Variants in TENM1 observed in about 807,000 individuals in gnomAD.
The protein encoded by TENM1 is teneurin transmembrane protein 1.
A neutral mutation model predicts 174.8 loss-of-function variants in TENM1; 35 were observed. That is an observed-to-expected ratio of 0.20 (90% CI 0.15 to 0.27). TENM1 has a LOEUF of 0.27. TENM1 is among the 10% of genes least tolerant of loss of function. The pLI, the probability that TENM1 is intolerant of heterozygous loss-of-function variation, is 1.00. For missense variants in TENM1, 1,633 were observed against 2,130.1 expected (o/e 0.77, Z 4.59); for synonymous variants, 781 against 798.7 (o/e 0.98, Z 0.37).
the TENM1 span, among the ~76,000 whole-genome samples, chrX:125,137,640 G>A: frequency 1.8e-5 from 2 of 111,072 alleles, no homozygotes; most frequent in African/African-American, 6.5e-5. Flanking sequence ...AAAACCAAAA[G>A]ATCTTTCCCT....
intron 3 of TENM1, among the ~76,000 whole-genome samples, chrX:124,762,934 C>T (rs1413331933): frequency 9.0e-6 from 1 of 110,975 alleles, no homozygotes; most frequent in Non-Finnish European, 1.9e-5. Flanking sequence ...GTAGTCTTTA[C>T]TTGTGTAGTC....
intron 15 of TENM1, 149 bp downstream of exon 18, chrX:124,546,725 G>T (rs1275936977): frequency 1.5e-5 from 7 of 478,117 alleles, no homozygotes; most frequent in Non-Finnish European, 2.5e-5. Flanking sequence ...ATCAGTAAGG[G>T]TTTTGGCTTT....
At chrX:125,167,140 C>T in the TENM1 span, among the ~76,000 whole-genome samples, 3 of 111,968 alleles carry the variant, frequency 2.7e-5, no homozygotes, top group African/African-American at 9.7e-5. Context: ...AGTGTCCTGA[C>T]ATTTATTATC....
chrX:124,584,231 T>C (rs1230840695), intron 11 of TENM1, among the ~76,000 whole-genome samples: 320 of 108,366 alleles, frequency 3.0e-3, no homozygotes, highest in African/African-American at 0.01. Context: ...GACACATAAT[T>C]GTCAGATTCA....
At chrX:124,985,468 A>G in the TENM1 span, among the ~76,000 whole-genome samples, 3 of 112,217 alleles carry the variant, frequency 2.7e-5, no homozygotes, top group African/African-American at 9.7e-5. Context: ...CATGGGTAAT[A>G]TCCACTATGT....
intron 11 of TENM1, among the ~76,000 whole-genome samples, chrX:124,606,560 T>C (rs2050162229): frequency 1.8e-5 from 2 of 111,615 alleles, no homozygotes; most frequent in South Asian, 7.4e-4. Flanking sequence ...ACAAGATGGT[T>C]AGATACATTA....
chrX:124,794,665 C>A (rs779130025), intron 3 of TENM1, among the ~76,000 whole-genome samples: 1 of 111,029 alleles, frequency 9.0e-6, no homozygotes, highest in African/African-American at 3.3e-5. Flanking sequence ...TTTAAAAAAA[C>A]AAAACTGAAC....
At chrX:125,171,039 T>A in the TENM1 span, among the ~76,000 whole-genome samples, 1 of 111,204 alleles carries the variant, frequency 9.0e-6, no homozygotes, top group African/African-American at 3.3e-5. Context: ...CCTCTATTAC[T>A]GTTCTTATTA....
At chrX:124,636,550 A>G (rs1176306971) in intron 11 of TENM1, among the ~76,000 whole-genome samples, 1 of 111,904 alleles carries the variant, frequency 8.9e-6, no homozygotes, top group East Asian at 2.8e-4. Flanking sequence ...TCATTTATGT[A>G]CTTGGTATTT....
At chrX:124,823,289 TATAAC>T (rs1844469930) in intron 3 of TENM1, among the ~76,000 whole-genome samples, 1 of 112,130 alleles carries the variant, frequency 8.9e-6, no homozygotes, top group Non-Finnish European at 1.9e-5. Flanking sequence ...ACGGATGTGT[TATAAC>T]AGAGTCTGGC....
the TENM1 span, among the ~76,000 whole-genome samples, chrX:125,064,961 G>A: frequency 3.6e-5 from 4 of 111,988 alleles, no homozygotes; most frequent in Middle Eastern, 9.2e-3. Context: ...TTTTCCACTC[G>A]ATGGGTACCA....
At chrX:124,880,651 G>T in intron 3 of TENM1, among the ~76,000 whole-genome samples, 1 of 111,764 alleles carries the variant, frequency 8.9e-6, no homozygotes, top group Non-Finnish European at 1.9e-5. Flanking sequence ...TATGATGTCA[G>T]CTGTGGGTCT....
chrX:124,710,124 T>G, intron 4 of TENM1, among the ~76,000 whole-genome samples: 1 of 111,556 alleles, frequency 9.0e-6, no homozygotes, highest in Middle Eastern at 4.7e-3. Context: ...AATGTCTGCT[T>G]AACTCTCCCA....
intron 20 of TENM1, among the ~76,000 whole-genome samples, chrX:124,494,592 A>T (rs2047146069): frequency 9.1e-6 from 1 of 109,773 alleles, no homozygotes; most frequent in African/African-American, 3.3e-5. Context: ...TACATGTGCC[A>T]TGCTGGTGCG....
chrX:124,729,708 T>C (rs1200592806), intron 4 of TENM1, among the ~76,000 whole-genome samples: 1 of 112,220 alleles, frequency 8.9e-6, no homozygotes, highest in African/African-American at 3.2e-5. Context: ...ATTGTTTTTC[T>C]GAATAACACA....
intron 3 of TENM1, among the ~76,000 whole-genome samples, chrX:124,862,771 C>T (rs965359478): frequency 6.4e-5 from 7 of 110,011 alleles, no homozygotes; most frequent in Non-Finnish European, 1.3e-4. Flanking sequence ...GGGCATGTAA[C>T]ATACTTGAGA....
chrX:124,599,731 G>A (rs1201693320), intron 11 of TENM1, among the ~76,000 whole-genome samples: 16 of 111,258 alleles, frequency 1.4e-4, no homozygotes, highest in Non-Finnish European at 5.7e-5. Context: ...TAGTAAAATG[G>A]TGATTACTGG....
intron 1 of TENM1, among the ~76,000 whole-genome samples, chrX:124,947,189 T>C (rs1603287778): frequency 8.9e-6 from 1 of 111,814 alleles, no homozygotes; most frequent in African/African-American, 3.2e-5. Context: ...GCAAATTATA[T>C]TGGCCTAATG....
the TENM1 span, among the ~76,000 whole-genome samples, chrX:125,020,858 T>C: frequency 1.8e-5 from 2 of 111,681 alleles, no homozygotes; most frequent in African/African-American, 6.5e-5. Context: ...ACAGCCTATG[T>C]TGTAAGCTTT....
Sources: allele counts gnomAD v4.1 joint callset (sites outside exome capture counted in the v4.1 genomes callset), GRCh38; gene constraint gnomAD v4.1.1; transcripts MANE v1.5; gene names NCBI Gene and HGNC (gene_info 2026-07-23, HGNC 2026-07-21).